Variants in DYNC2H1 observed in about 807,000 individuals in gnomAD.
DYNC2H1 encodes the protein dynein cytoplasmic 2 heavy chain 1.
A neutral mutation model predicts 570.0 loss-of-function variants in DYNC2H1; 410 were observed. The ratio of observed to expected loss-of-function variants is 0.72; its 90% CI spans 0.66 to 0.78. The LOEUF is 0.78. Among genes scored for constraint, DYNC2H1 ranks in the 30% least tolerant of loss-of-function variants. The pLI is 0.00. For missense variants in DYNC2H1, 4,865 were observed against 5,046.4 expected (o/e 0.96, Z 1.09); for synonymous variants, 1,688 against 1,677.6 (o/e 1.01, Z -0.15).
chr11:103,262,766 A>G (rs556665329), intron 70 of DYNC2H1, among the ~76,000 whole-genome samples: 2 of 152,286 alleles, frequency 1.3e-5, no homozygotes, highest in Non-Finnish European at 2.9e-5. Flanking sequence ...TGTAAAGACC[A>G]TCAACACTAT....
At chr11:103,262,613 T>C (rs1289261980) in intron 70 of DYNC2H1, among the ~76,000 whole-genome samples, 2 of 152,042 alleles carry the variant, frequency 1.3e-5, no homozygotes, top group East Asian at 1.9e-4. Context: ...GCTTCATAAG[T>C]GAAGGAGAAA....
At position 103,135,846 on chromosome 11, in the gene DYNC2H1, T is replaced by G. The variant is rs779852550; in HGVS notation, c.2472T>G (p.Ile824Met). Reference protein sequence around the residue: ...KGVGEAGDESIFSIMIDRNAS... With the variant: ...KGVGEAGDESMFSIMIDRNAS... ...TGGGTGAGGCAGGAGATGAATCTAT[T>G]TTTTCTATTATGATTGATAGAAATG... is the stretch of plus-strand genomic sequence containing the variant. The change falls in exon 17 of 89, where the codon ATT becomes ATG. Residue 824 changes from isoleucine (I) to methionine (M), a missense_variant. By Grantham distance (10) the Ile-to-Met change is conservative. Coordinates refer to ENST00000375735, the MANE Select transcript of DYNC2H1 (RefSeq NM_001377.3). 46 of 1,613,112 alleles carry G rather than the reference T, an allele frequency of 2.9e-5. No individual in the cohort carries two copies. The highest frequency in any genetic ancestry group is 3.6e-5 in the Non-Finnish European group (43 of 1,179,600).
intron 70 of DYNC2H1, among the ~76,000 whole-genome samples, chr11:103,272,970 A>G (rs542105783): frequency 1.3e-5 from 2 of 152,038 alleles, no homozygotes; most frequent in Non-Finnish European, 2.9e-5. Flanking sequence ...ATAAATTGTC[A>G]TTGAATTAAA....
chr11:103,332,491 A>G (rs970467234), intron 82 of DYNC2H1, among the ~76,000 whole-genome samples: 2 of 150,330 alleles, frequency 1.3e-5, no homozygotes, highest in African/African-American at 5.0e-5. Flanking sequence ...TAAAATATTA[A>G]AACTGAAAAA....
chr11:103,391,605 G>GT (rs1312214722), intron 83 of DYNC2H1, among the ~76,000 whole-genome samples: 2 of 152,178 alleles, frequency 1.3e-5, no homozygotes, highest in Admixed American at 1.3e-4. Context: ...TTTCTGCTCT[G>GT]TTTTTTCCCC....
Position 103,323,966 on chromosome 11 carries a change from A to G in DYNC2H1, c.12015A>G (p.Ser4005=), listed in dbSNP as rs201323782. ...FFGLPANIAR[S]SQRMISSQVI... ...GTCTGCCTGCCAATATCGCTCGCTC[A>G]TCTCAGCGCATGATCAGTTCTCAGG... is the stretch of plus-strand genomic sequence containing the variant. The change falls in exon 82 of 89, where the codon TCA becomes TCG. Residue 4005 remains serine, a synonymous_variant. Coordinates refer to ENST00000375735, the MANE Select transcript of DYNC2H1 (RefSeq NM_001377.3). 6.2e-7 allele frequency: 1 copy of G among 1,611,758 alleles called. No homozygotes were observed. The highest frequency in any genetic ancestry group is 8.5e-7 in the Non-Finnish European group (1 of 1,178,926).
In DYNC2H1 at chr11:103,253,571, A is replaced by G. The variant is rs985481243; in HGVS notation, c.10206+123A>G. 54 of 975,122 alleles carry G rather than the reference A, an allele frequency of 5.5e-5. 1 individual carries two copies. The African/African-American group carries it at 7.9e-4, about 14-fold the overall frequency. 60.4% of individuals were successfully genotyped at this position (975,122 alleles called of 1,614,324 possible). ...TATTTACATTTATGATTTTGAAAAT[A>G]ATACTTGTATGTTGGAGTGAAGCAT... On this transcript the variant is annotated intron_variant, in intron 66 of 88. Transcript: ENST00000375735.
In DYNC2H1 at chr11:103,154,686, A is replaced by G; in HGVS notation, c.3459-9A>G. The stretch of plus-strand genomic sequence containing the variant: ...GTAATCTTTGCAATGTGTTTTTGGT[A>G]TTTTATAGGACTAAGACATACCTGT... On this transcript the variant is annotated splice_polypyrimidine_tract_variant and intron_variant, in intron 23 of 88. Transcript: ENST00000375735. The G allele has an allele frequency of 6.4e-7, 1 of 1,565,202 alleles. No homozygotes were observed. The highest frequency in any genetic ancestry group is 8.7e-7 in the Non-Finnish European group (1 of 1,155,846).
rs1412429914 is a variant in DYNC2H1 at position 103,211,953 on chromosome 11, T to C, written c.8694+10T>C. On this transcript the variant is annotated intron_variant, in intron 54 of 88. Transcript: ENST00000375735. ...ACAAAGTCATTTGCAGGTATAGTAT[T>C]GGTAATCTTGAATTATTTTATCTAT... The C allele has an allele frequency of 6.7e-7, 1 of 1,498,480 alleles. No homozygotes were observed. Among genetic ancestry groups the C allele is most frequent in the Non-Finnish European group, 8.9e-7 (1 of 1,124,034 alleles). The allele number at this position is 1,498,480 out of a possible 1,614,324, so 92.8% of individuals were successfully genotyped here.
In DYNC2H1 at chr11:103,231,318, G is replaced by C. The variant is rs1185094985; in HGVS notation, c.9412G>C (p.Gly3138Arg). ...RKLEELLNSVGQKVSELKEKF... is the reference protein window; with the variant it reads ...RKLEELLNSVRQKVSELKEKF... ...ACTAGAGGAGCTTCTTAATTCTGTTGGTCAAAAGGTATCAGAACTCAAAGA... is the reference window on the plus strand; with the variant it reads ...ACTAGAGGAGCTTCTTAATTCTGTTCGTCAAAAGGTATCAGAACTCAAAGA... The change falls in exon 60 of 89, where the codon GGT becomes CGT. Residue 3138 changes from glycine (G) to arginine (R), a missense_variant. Gly to Arg is a moderately radical substitution (Grantham distance 125). Transcript: ENST00000375735. 1.2e-6 allele frequency: 2 copies of C among 1,605,342 alleles called. No homozygotes were observed. Among genetic ancestry groups the C allele is most frequent in the African/African-American group, 1.3e-5 (1 of 74,526 alleles).
intron 88 of DYNC2H1, among the ~76,000 whole-genome samples, chr11:103,476,725 G>A (rs1282945242): frequency 6.8e-6 from 1 of 147,824 alleles, no homozygotes; most frequent in Non-Finnish European, 1.5e-5. Context: ...CAGAGCAGTT[G>A]TTGGTGTGTG....
chr11:103,348,203 T>C (rs1939852976), intron 82 of DYNC2H1, among the ~76,000 whole-genome samples: 1 of 152,200 alleles, frequency 6.6e-6, no homozygotes, highest in Non-Finnish European at 1.5e-5. Flanking sequence ...TAACCAGTGT[T>C]TAACTGACCC....
At chr11:103,286,415 A>G (rs1435070287) in intron 74 of DYNC2H1, 29 bp downstream of exon 74, 2 of 1,602,980 alleles carry the variant, frequency 1.2e-6, no homozygotes, top group Non-Finnish European at 1.7e-6. Context: ...TAAATGCAAA[A>G]AAGTGTTTAA....
intron 78 of DYNC2H1, 76 bp downstream of exon 78, chr11:103,307,907 C>T (rs1209824219): frequency 6.5e-6 from 5 of 771,962 alleles, no homozygotes; most frequent in African/African-American, 1.8e-5. Flanking sequence ...ACTTTGTAAA[C>T]AACTATTATA....
At chr11:103,356,344 T>C (rs559316529) in intron 82 of DYNC2H1, among the ~76,000 whole-genome samples, 1 of 152,314 alleles carries the variant, frequency 6.6e-6, no homozygotes, top group East Asian at 1.9e-4. Context: ...TATTACTGCC[T>C]GTTCTTTAAA....
rs1202764460 is a variant in DYNC2H1 at position 103,252,902 on chromosome 11, A to G, written c.10043-383A>G. Reference sequence around the variant, plus strand: ...AATACTGTATCTTAAATACTAGTGCAATAAACACTTTTAAAATGATGAATT... The same window carrying G: ...AATACTGTATCTTAAATACTAGTGCGATAAACACTTTTAAAATGATGAATT... On this transcript the variant is annotated intron_variant, in intron 65 of 88. Transcript: ENST00000375735. The surrounding 1 kb of genome is among the most constrained non-coding windows in gnomAD (Gnocchi z 4.6). Among the ~76,000 whole-genome samples the G allele has an allele frequency of 1.3e-5, 2 of 152,206 alleles. No homozygotes were observed. The highest frequency in any genetic ancestry group is 6.5e-5 in the Admixed American group (1 of 15,282).
Position 103,129,257 on chromosome 11 carries a change from G to GTT in DYNC2H1, c.1953+253_1953+254dup, listed in dbSNP as rs775336170. Among the ~76,000 whole-genome samples the GTT allele has an allele frequency of 2.4e-4, 36 of 152,164 alleles. No homozygotes were observed. Among genetic ancestry groups the GTT allele is most frequent in the Admixed American group, 6.5e-5 (1 of 15,272 alleles). ...ATAGATAGAAAATGATTTGTATGAT[G>GTT]TTATGTTCATTTATCCTCTGAAGTT... is the stretch of plus-strand genomic sequence containing the variant. On this transcript the variant is annotated intron_variant, in intron 13 of 88. Transcript: ENST00000375735. The surrounding 1 kb of genome is among the most constrained non-coding windows in gnomAD (Gnocchi z 4.1).
chr11:103,473,242 A>G (rs1466318248), intron 88 of DYNC2H1, among the ~76,000 whole-genome samples: 1 of 151,966 alleles, frequency 6.6e-6, no homozygotes, highest in African/African-American at 2.4e-5. Flanking sequence ...ATGTACTAAG[A>G]TAATATAACT....
intron 83 of DYNC2H1, among the ~76,000 whole-genome samples, chr11:103,391,768 AC>A (rs1942162579): frequency 6.6e-6 from 1 of 152,266 alleles, no homozygotes; most frequent in South Asian, 2.1e-4. Context: ...TCCGCTCCAG[AC>A]CCTGTTTGCC....
Sources: gnomAD v4.1 joint callset for allele counts (sites outside exome capture counted in the v4.1 genomes callset) on GRCh38, gnomAD v4.1.1 for gene constraint, Gnocchi (gnomAD v3.1) non-coding constraint, MANE v1.5 for transcripts, NCBI Gene and HGNC (gene_info 2026-07-23, HGNC 2026-07-21) for gene names.